The following SPTB variants were observed in gnomAD, a reference collection of about 807,000 sequenced individuals.
SPTB encodes the protein spectrin beta, erythrocytic.
In SPTB, 45 loss-of-function variants were observed where a neutral mutation model predicts 256.2. That is an observed-to-expected ratio of 0.18 (90% CI 0.14 to 0.23). The LOEUF is 0.23. SPTB is among the 10% of genes least tolerant of loss of function. The pLI is 1.00. For missense variants in SPTB, 2,715 were observed against 3,040.4 expected, an observed-to-expected ratio of 0.89 and a Z score of 2.52; for synonymous variants, 1,231 against 1,243.1, an observed-to-expected ratio of 0.99 and a Z score of 0.21.
At position 64,748,222 on chromosome 14, in the gene SPTB, CTGCCCAGCCATTACCCTCCAAA is replaced by C. The variant is rs1168617332; in HGVS notation, c.*1062_*1083del. The C allele has an allele frequency of 1.3e-5, 2 of 149,764 alleles. No homozygotes were observed. The highest frequency in any genetic ancestry group is 5.1e-5 in the African/African-American group (2 of 39,128). 9.3% of individuals were successfully genotyped at this position (149,764 alleles called of 1,614,324 possible). A position where few individuals can be genotyped will look rare whatever the true frequency, so the allele number is the denominator to read the frequency against. On this transcript the variant is annotated 3_prime_UTR_variant, in exon 36 of 36. Coordinates refer to ENST00000644917, the MANE Select transcript of SPTB (RefSeq NM_001355436.2). ...GAAAACAGATGATCAACTTTACTGT[CTGCCCAGCCATTACCCTCCAAA>C]GTCCCAGCTGCAGACAGGATGCAAT... is the stretch of plus-strand genomic sequence containing the variant.
At chr14:64,753,854 C>G (rs775319859) in intron 32 of SPTB, 61 bp from the exon 33 acceptor site, 3 of 1,601,892 alleles carry the variant, frequency 1.9e-6, no homozygotes, top group Non-Finnish European at 2.5e-6. Flanking sequence ...GATGGCTGTT[C>G]TCAGCAAAAT....
chr14:64,784,100 G>A, intron 19 of SPTB, 147 bp downstream of exon 19: 2 of 1,199,596 alleles, frequency 1.7e-6, no homozygotes, highest in South Asian at 2.7e-5. Flanking sequence ...GAGCTCTGAA[G>A]GTTTAGCTAC....
chr14:64,835,443 A>G (rs1375920544), intron 1 of SPTB, among the ~76,000 whole-genome samples: 1 of 152,078 alleles, frequency 6.6e-6, no homozygotes, highest in Non-Finnish European at 1.5e-5. Flanking sequence ...ACGGGGTTTC[A>G]CTATGTTGGT....
In SPTB at chr14:64,773,275, T is replaced by C; in HGVS notation, c.5123A>G (p.Glu1708Gly). 1 of 1,614,222 alleles carries C rather than the reference T, an allele frequency of 6.2e-7. No homozygotes were observed. The highest frequency in any genetic ancestry group is 8.5e-7 in the Non-Finnish European group (1 of 1,180,036). The change falls in exon 25 of 36, where the codon GAA (glutamate) becomes GGA (glycine). Residue 1708 changes from glutamate (E) to glycine (G), a missense_variant. Coordinates refer to ENST00000644917, the MANE Select transcript of SPTB (RefSeq NM_001355436.2). ...CGGGGAAGAGGCCACTAGCTCCTTT[T>C]CTGAAATCCACTGCTCCAGGTCGTC... ...ETDDLEQWIS[E>G]KELVASSPEM...
intron 9 of SPTB, 33 bp from the exon 10 acceptor site, chr14:64,797,879 T>C (rs1455967899): frequency 6.3e-7 from 1 of 1,581,852 alleles, no homozygotes; most frequent in Non-Finnish European, 8.7e-7. Flanking sequence ...AAGACTGATG[T>C]TAAGATCTCA....
At chr14:64,868,584 T>C (rs937392542) in intron 1 of SPTB, among the ~76,000 whole-genome samples, 97 of 151,868 alleles carry the variant, frequency 6.4e-4, no homozygotes, top group Non-Finnish European at 1.0e-3. Context: ...TCCCAACAAG[T>C]AAAAGCTGGC....
intron 1 of SPTB, among the ~76,000 whole-genome samples, chr14:64,846,108 C>CCGACTTG (rs2083687540): frequency 1.3e-5 from 2 of 152,176 alleles, no homozygotes; most frequent in African/African-American, 4.8e-5. Flanking sequence ...ACTGCTACTC[C>CCGACTTG]CGACTTGCGG....
Position 64,780,057 on chromosome 14 carries a change from C to T in SPTB, c.4267-126G>A, listed in dbSNP as rs569285588. The T allele has an allele frequency of 9.9e-6, 8 of 804,694 alleles. No individual in the cohort carries two copies. The African/African-American group carries it at 1.2e-4, about 12-fold the overall frequency. The allele number at this position is 804,694 out of a possible 1,614,324, so 49.8% of individuals were successfully genotyped here. A position where few individuals can be genotyped will look rare whatever the true frequency, so the allele number is the denominator to read the frequency against. Reference sequence around the variant, plus strand: ...TTGAGCTCAACTTCCTCCAAGGAGTCTCCTTGGATGCTCCCAGTCATCTTT... The same window carrying T: ...TTGAGCTCAACTTCCTCCAAGGAGTTTCCTTGGATGCTCCCAGTCATCTTT... On this transcript the variant is annotated intron_variant, in intron 20 of 35. Transcript: ENST00000644917.
At position 64,769,705 on chromosome 14, in the gene SPTB, A is replaced by G. The variant is rs1202249104; in HGVS notation, c.5822T>C (p.Leu1941Pro). Reference sequence around the variant, plus strand: ...ATTGATGCCCTGGTGATACTTCATGAGCAGTTCCACAGAGGAGACATCCCT... The same window carrying G: ...ATTGATGCCCTGGTGATACTTCATGGGCAGTTCCACAGAGGAGACATCCCT... Reference protein sequence around the residue: ...RPRDVSSVELLMKYHQGINAE... With the variant: ...RPRDVSSVELPMKYHQGINAE... The change falls in exon 28 of 36, where the codon CTC becomes CCC. Residue 1941 changes from leucine (L) to proline (P), a missense_variant. Coordinates refer to ENST00000644917, the MANE Select transcript of SPTB (RefSeq NM_001355436.2). 6.2e-7 allele frequency: 1 copy of G among 1,614,194 alleles called. No homozygotes were observed. Among genetic ancestry groups the G allele is most frequent in the Non-Finnish European group, 8.5e-7 (1 of 1,180,024 alleles).
At position 64,802,003 on chromosome 14, in the gene SPTB, T is replaced by A. The variant is rs985422674; in HGVS notation, c.567-169A>T. On this transcript the variant is annotated intron_variant, in intron 5 of 35. Transcript: ENST00000644917. This position sits in a 1 kb window ranked among gnomAD's most constrained non-coding sequence, Gnocchi z 5.1. Reference sequence around the variant, plus strand: ...CACACACAGAGGCTCCCCCATCAGATGTGAACACCACACAGACCCCCCAGT... The same window carrying A: ...CACACACAGAGGCTCCCCCATCAGAAGTGAACACCACACAGACCCCCCAGT... Among the ~76,000 whole-genome samples the A allele has an allele frequency of 6.6e-6, 1 of 152,120 alleles. No homozygotes were observed. The highest frequency in any genetic ancestry group is 1.5e-5 in the Non-Finnish European group (1 of 68,016).
In SPTB at chr14:64,779,234, C is replaced by T; in HGVS notation, c.4486G>A (p.Glu1496Lys). Residue 1496 changes from glutamate to lysine, a missense_variant, in exon 22 of 36, where the codon GAG becomes AAG. Glu to Lys is a moderately conservative substitution (Grantham distance 56). Coordinates refer to ENST00000644917, the MANE Select transcript of SPTB (RefSeq NM_001355436.2). The surrounding 1 kb of genome is among the most constrained non-coding windows in gnomAD (Gnocchi z 4.2). ...GCTGACTGGGCCAGAGGCAGCCTCT[C>T]CTCCACCCAAAGCTGCAGAGACCAG... is the stretch of plus-strand genomic sequence containing the variant. ...DLEDETLWVEERLPLAQSADY... is the reference protein window; with the variant it reads ...DLEDETLWVEKRLPLAQSADY... The T allele has an allele frequency of 6.2e-7, 1 of 1,613,640 alleles. No individual in the cohort carries two copies. The highest frequency in any genetic ancestry group is 1.3e-5 in the African/African-American group (1 of 74,984).
Position 64,749,288 on chromosome 14 carries a change from G to A in SPTB, c.*18C>T, listed in dbSNP as rs374895714. ...TCTCTGCGCGTCCCGACTCCGCCGC[G>A]CCCGCCAGCCCCACCTGCTACTTCT... On this transcript the variant is annotated 3_prime_UTR_variant, in exon 36 of 36. Coordinates refer to ENST00000644917, the MANE Select transcript of SPTB (RefSeq NM_001355436.2). This position sits in a 1 kb window ranked among gnomAD's most constrained non-coding sequence, Gnocchi z 4.7. 4 of 1,565,304 alleles carry A rather than the reference G, an allele frequency of 2.6e-6. No individual in the cohort carries two copies. Among genetic ancestry groups the A allele is most frequent in the South Asian group, 1.2e-5 (1 of 86,598 alleles).
chr14:64,819,073 C>A (rs1216709639), intron 2 of SPTB, among the ~76,000 whole-genome samples: 1 of 152,186 alleles, frequency 6.6e-6, no homozygotes, highest in Non-Finnish European at 1.5e-5. Flanking sequence ...GGGATCCCAG[C>A]CCTCCCCTTG....
At chr14:64,765,943 TGTGA>T (rs1033929331) in intron 32 of SPTB, among the ~76,000 whole-genome samples, 37 of 146,756 alleles carry the variant, frequency 2.5e-4, no homozygotes, top group African/African-American at 7.8e-4. Context: ...TGTGTGTGGG[TGTGA>T]GTGTGTGGAT....
chr14:64,757,525 G>C (rs551259706), intron 32 of SPTB: 1 of 152,362 alleles, frequency 6.6e-6, no homozygotes, highest in East Asian at 1.9e-4. Flanking sequence ...TGGCGTTCCT[G>C]ACTGCTCCTG....
intron 26 of SPTB, among the ~76,000 whole-genome samples, chr14:64,771,795 T>G (rs2082282676): frequency 6.6e-6 from 1 of 152,108 alleles, no homozygotes; most frequent in African/African-American, 2.4e-5. Flanking sequence ...GGAGGACACT[T>G]CCCTAAGAGG....
rs531953812 is a variant in SPTB at position 64,846,908 on chromosome 14, C to T, written c.-51-23763G>A. Among the ~76,000 whole-genome samples the T allele has an allele frequency of 5.3e-5, 8 of 152,254 alleles. No individual in the cohort carries two copies. The South Asian group carries it at 1.5e-3, about 28-fold the overall frequency. ...GAGAGAACATCAGGAGCTCCTTCCA[C>T]GGCCTCAGAGCAGAGGAGTGGTTCA... On this transcript the variant is annotated intron_variant, in intron 1 of 35. Transcript: ENST00000644917.
intron 1 of SPTB, among the ~76,000 whole-genome samples, chr14:64,850,403 A>G (rs968269852): frequency 1.3e-5 from 2 of 152,226 alleles, no homozygotes; most frequent in Non-Finnish European, 1.5e-5. Context: ...TAGTTGATTC[A>G]ACCTCAGACT....
At chr14:64,848,186 C>T (rs1044486623) in intron 1 of SPTB, among the ~76,000 whole-genome samples, 4 of 152,194 alleles carry the variant, frequency 2.6e-5, no homozygotes, top group Non-Finnish European at 4.4e-5. Context: ...TTACCTTCCA[C>T]AAAGGTAGAA....
Sources: gnomAD v4.1 joint callset for allele counts (sites outside exome capture counted in the v4.1 genomes callset) on GRCh38, gnomAD v4.1.1 for gene constraint, Gnocchi (gnomAD v3.1) non-coding constraint, MANE v1.5 for transcripts, NCBI Gene and HGNC (gene_info 2026-07-23, HGNC 2026-07-21) for gene names.